NAALADL2: variants seen among roughly 807,000 people sequenced by gnomAD.
NAALADL2 encodes the protein inactive N-acetylated-alpha-linked acidic dipeptidase-like protein 2.
In NAALADL2, 76 loss-of-function variants were observed where a neutral mutation model predicts 87.2. The observed-to-expected ratio is 0.87, with a 90% CI of 0.72 to 1.05. The LOEUF is 1.05. Among genes scored for constraint, NAALADL2 ranks in the 50% least tolerant of loss-of-function variants. NAALADL2 has a pLI of 0.00. For synonymous variants in NAALADL2, 354 were observed against 331.0 expected (o/e 1.07, Z -0.75); for missense variants, 1,089 against 945.8 (o/e 1.15, Z -1.99).
At chr3:175,354,375 T>C (rs935714385) in intron 5 of NAALADL2, among the ~76,000 whole-genome samples, 12 of 152,188 alleles carry the variant, frequency 7.9e-5, no homozygotes, top group African/African-American at 2.7e-4. Context: ...GATCAATTTA[T>C]AAACTTACAA....
chr3:174,591,669 A>G lies in NAALADL2; in HGVS notation c.-115+41032A>G, dbSNP rs75437762. ...TTTTGATACTATCTAAAGACTTGCC[A>G]TAATAAAATACATGTTGTGCCTTTT... is the stretch of plus-strand genomic sequence containing the variant. On this transcript the variant is annotated intron_variant, in intron 2 of 3. Coordinates refer to the NAALADL2 transcript ENST00000434257. 6.1e-3 allele frequency among the ~76,000 whole-genome samples: 925 copies of G among 152,322 alleles called. 10 individuals carry two copies. Among genetic ancestry groups the G allele is most frequent in the Non-Finnish European group, 9.0e-3 (613 of 68,014 alleles).
intron 1 of NAALADL2, among the ~76,000 whole-genome samples, chr3:174,477,238 C>T (rs115740035): frequency 6.6e-6 from 1 of 152,136 alleles, no homozygotes; most frequent in Non-Finnish European, 1.5e-5. Flanking sequence ...AGAGTTTAGG[C>T]CAAATATCAT....
chr3:175,477,861 C>G (rs1725926181), intron 9 of NAALADL2, among the ~76,000 whole-genome samples: 2 of 152,024 alleles, frequency 1.3e-5, no homozygotes, highest in South Asian at 4.1e-4. Context: ...TTATTTTTTC[C>G]AAACACTCTT....
At chr3:174,857,698 A>G (rs1052943214), upstream of NAALADL2, among the ~76,000 whole-genome samples, 5 of 152,122 alleles carry the variant, frequency 3.3e-5, no homozygotes, top group African/African-American at 4.8e-5. Flanking sequence ...ACAGTATGCA[A>G]TTGCTATAGG....
intron 4 of NAALADL2, among the ~76,000 whole-genome samples, chr3:175,273,648 A>G (rs1753166478): frequency 6.6e-6 from 1 of 152,136 alleles, no homozygotes. Flanking sequence ...TTAAGGAAAT[A>G]GAAAAAAAAT....
intron 2 of NAALADL2, among the ~76,000 whole-genome samples, chr3:174,733,834 G>C (rs1732933530): frequency 6.6e-6 from 1 of 152,134 alleles, no homozygotes; most frequent in Non-Finnish European, 1.5e-5. Flanking sequence ...ACAGGAACTT[G>C]GGAGGGTTAA....
chr3:175,580,526 T>C (rs1201773589), intron 10 of NAALADL2, among the ~76,000 whole-genome samples: 1 of 152,166 alleles, frequency 6.6e-6, no homozygotes, highest in Non-Finnish European at 1.5e-5. Context: ...CCTTTAAAAG[T>C]TCTTGATTTA....
Position 175,546,717 on chromosome 3 carries a change from T to G in NAALADL2, c.1654-29324T>G, listed in dbSNP as rs929068603. Among the ~76,000 whole-genome samples, 44 of 152,238 alleles carry G rather than the reference T, an allele frequency of 2.9e-4. 1 individual carries two copies. The highest frequency in any genetic ancestry group is 3.4e-3 in the Middle Eastern group (1 of 294). On this transcript the variant is annotated intron_variant, in intron 9 of 13. Transcript: ENST00000454872. ...TTGAATATTGACCCACAGTTTCTTC[T>G]GGCTTATAGGGTTTCAGCTGTTAGT... is the stretch of plus-strand genomic sequence containing the variant.
intron 2 of NAALADL2, among the ~76,000 whole-genome samples, chr3:175,140,144 G>A (rs1302631909): frequency 1.3e-5 from 2 of 152,104 alleles, no homozygotes; most frequent in Non-Finnish European, 2.9e-5. Context: ...AAAGCCCTCC[G>A]TGCCTAGTTT....
intron 11 of NAALADL2, chr3:175,675,823 G>T (rs561155014): frequency 1.3e-5 from 2 of 152,042 alleles, no homozygotes; most frequent in African/African-American, 4.8e-5. Flanking sequence ...AATAAAAAAT[G>T]GTTTTATTTT....
intron 2 of NAALADL2, among the ~76,000 whole-genome samples, chr3:174,683,118 T>C (rs1340625898): frequency 1.3e-5 from 2 of 152,150 alleles, no homozygotes; most frequent in Non-Finnish European, 2.9e-5. Flanking sequence ...GAAATGCAAT[T>C]GACATACTGA....
intron 1 of NAALADL2, among the ~76,000 whole-genome samples, chr3:174,507,273 A>G (rs369069082): frequency 1.1e-3 from 174 of 152,264 alleles, no homozygotes; most frequent in South Asian, 5.8e-3. Context: ...CACTTACAAA[A>G]GATGTTTTCA....
chr3:175,239,544 T>C (rs1258964423), intron 3 of NAALADL2, among the ~76,000 whole-genome samples: 5 of 152,158 alleles, frequency 3.3e-5, no homozygotes, highest in African/African-American at 1.2e-4. Flanking sequence ...GAGCAAGAGA[T>C]TTTTTTCTTA....
chr3:174,873,199 G>GTCTCTCTCTC (rs3884084), intron 1 of NAALADL2, among the ~76,000 whole-genome samples: 1,787 of 148,538 alleles, frequency 0.012, 31 homozygotes, highest in African/African-American at 0.041. Context: ...CTCTCTGTCT[G>GTCTCTCTCTC]TCTCTCTCTC....
intron 2 of NAALADL2, among the ~76,000 whole-genome samples, chr3:175,200,013 A>G (rs1410929807): frequency 6.6e-6 from 1 of 151,040 alleles, no homozygotes; most frequent in East Asian, 2.0e-4. Context: ...ACTACTTCGA[A>G]AAGTCCAACT....
chr3:175,719,645 C>T (rs1418950579), intron 11 of NAALADL2, among the ~76,000 whole-genome samples: 1 of 152,162 alleles, frequency 6.6e-6, no homozygotes, highest in Non-Finnish European at 1.5e-5. Flanking sequence ...TCTGGTTTCC[C>T]ATTGCACTTA....
intron 1 of NAALADL2, among the ~76,000 whole-genome samples, chr3:174,965,616 A>T (rs555021445): frequency 6.6e-6 from 1 of 152,274 alleles, no homozygotes; most frequent in African/African-American, 2.4e-5. Flanking sequence ...ATATTTAGGC[A>T]TATTTTGTGC....
intron 3 of NAALADL2, among the ~76,000 whole-genome samples, chr3:174,743,190 C>T (rs1212199585): frequency 1.3e-5 from 2 of 151,662 alleles, no homozygotes; most frequent in South Asian, 2.1e-4. Flanking sequence ...ATTAGAGTCC[C>T]GATCTGTCTA....
chr3:175,413,613 G>T (rs1714038595), intron 5 of NAALADL2, among the ~76,000 whole-genome samples: 1 of 149,514 alleles, frequency 6.7e-6, no homozygotes, highest in Non-Finnish European at 1.5e-5. Flanking sequence ...TGGTAATGTT[G>T]AGGATATGAG....
Sources: gnomAD v4.1 joint callset for allele counts (sites outside exome capture counted in the v4.1 genomes callset) on GRCh38, gnomAD v4.1.1 for gene constraint, MANE v1.5 for transcripts, NCBI Gene and HGNC (gene_info 2026-07-23, HGNC 2026-07-21) for gene names.